Variants in GPR39 observed in about 807,000 individuals in gnomAD.
GPR39 encodes the protein G protein-coupled receptor 39.
A neutral mutation model predicts 18.4 loss-of-function variants in GPR39; 23 were observed. That is an observed-to-expected ratio of 1.25 (90% CI 0.90 to 1.77). The LOEUF is 1.77. Among genes scored for constraint, GPR39 ranks in the 40% most tolerant of loss-of-function variants. The probability of loss-of-function intolerance (pLI) is 0.00; values close to 1 mark genes in which losing one functional copy is unlikely to be tolerated. For synonymous variants in GPR39, 280 were observed against 257.9 expected (o/e 1.09, Z -0.82); for missense variants, 647 against 602.4 (o/e 1.07, Z -0.78).
intron 1 of GPR39, among the ~76,000 whole-genome samples, chr2:132,472,454 C>T (rs910127188): frequency 5.3e-5 from 8 of 152,066 alleles, no homozygotes; most frequent in Admixed American, 4.6e-4. Context: ...GAGTGTCTGC[C>T]AGAAGCTTTG....
chr2:132,489,300 G>A (rs1558813180), intron 1 of GPR39, among the ~76,000 whole-genome samples: 1 of 152,072 alleles, frequency 6.6e-6, no homozygotes, highest in African/African-American at 2.4e-5. Flanking sequence ...AGGCGCCGGC[G>A]CTGTCCGTGG....
intron 1 of GPR39, among the ~76,000 whole-genome samples, chr2:132,424,466 C>G (rs1242769351): frequency 6.6e-6 from 1 of 152,188 alleles, no homozygotes; most frequent in Non-Finnish European, 1.5e-5. Context: ...TGTTGTGGAT[C>G]CATCCTGGGT....
chr2:132,441,390 TTTTTG>T (rs1680435867), intron 1 of GPR39, among the ~76,000 whole-genome samples: 1 of 79,114 alleles, frequency 1.3e-5, no homozygotes, highest in African/African-American at 3.4e-5. Context: ...TATGCTTTTT[TTTTTG>T]TTGTTGTTGT....
intron 1 of GPR39, among the ~76,000 whole-genome samples, chr2:132,499,096 A>G (rs1558817449): frequency 6.6e-6 from 1 of 151,926 alleles, no homozygotes; most frequent in African/African-American, 2.4e-5. Flanking sequence ...TTTTTGTTGT[A>G]TTTGCTTTTG....
chr2:132,584,070 G>C (rs2104825583), intron 1 of GPR39, among the ~76,000 whole-genome samples: 1 of 152,132 alleles, frequency 6.6e-6, no homozygotes, highest in South Asian at 2.1e-4. Flanking sequence ...GAAGTTTTTT[G>C]AGGGGTGGGG....
At chr2:132,628,788 A>G (rs953144931) in intron 1 of GPR39, among the ~76,000 whole-genome samples, 3 of 152,174 alleles carry the variant, frequency 2.0e-5, no homozygotes, top group African/African-American at 7.2e-5. Context: ...TGTTTGTGCA[A>G]TCAATTCTAG....
chr2:132,463,887 T>C (rs1680876801), intron 1 of GPR39, among the ~76,000 whole-genome samples: 1 of 152,222 alleles, frequency 6.6e-6, no homozygotes, highest in Non-Finnish European at 1.5e-5. Context: ...GTTTGCAAGT[T>C]GGTGCAGGCT....
At chr2:132,516,048 GA>G (rs1362518783) in intron 1 of GPR39, among the ~76,000 whole-genome samples, 1 of 152,118 alleles carries the variant, frequency 6.6e-6, no homozygotes, top group Non-Finnish European at 1.5e-5. Flanking sequence ...TGCAGTGACT[GA>G]CGGAAAGATC....
At chr2:132,629,565 AAC>A (rs1175909954) in intron 1 of GPR39, among the ~76,000 whole-genome samples, 1 of 152,226 alleles carries the variant, frequency 6.6e-6, no homozygotes, top group African/African-American at 2.4e-5. Flanking sequence ...GAAGTTAAAC[AAC>A]TAGAGTTTTG....
At chr2:132,509,691 T>G (rs545110565) in intron 1 of GPR39, among the ~76,000 whole-genome samples, 4 of 152,200 alleles carry the variant, frequency 2.6e-5, no homozygotes, top group Admixed American at 6.5e-5. Flanking sequence ...CTCACAGAAC[T>G]GGCTATTAGA....
At chr2:132,530,643 A>C (rs903908137) in intron 1 of GPR39, among the ~76,000 whole-genome samples, 4 of 152,240 alleles carry the variant, frequency 2.6e-5, no homozygotes, top group African/African-American at 9.6e-5. Context: ...CATCAGACTA[A>C]CATCTGATCT....
At chr2:132,624,434 G>T (rs1681506337) in intron 1 of GPR39, among the ~76,000 whole-genome samples, 1 of 152,194 alleles carries the variant, frequency 6.6e-6, no homozygotes. Context: ...TATTATCAAT[G>T]CTGGAATAAT....
At chr2:132,612,307 C>T (rs1168635634) in intron 1 of GPR39, among the ~76,000 whole-genome samples, 1 of 152,122 alleles carries the variant, frequency 6.6e-6, no homozygotes, top group South Asian at 2.1e-4. Context: ...CAACAGCCTC[C>T]CCCTCCCCTC....
At chr2:132,487,736 T>TGCAATCCA (rs572923386) in intron 1 of GPR39, among the ~76,000 whole-genome samples, 94 of 152,024 alleles carry the variant, frequency 6.2e-4, no homozygotes, top group Non-Finnish European at 1.1e-3. Flanking sequence ...GTATACATAA[T>TGCAATCCA]GCAATCCAGA....
chr2:132,525,335 T>A (rs1021523417), intron 1 of GPR39, among the ~76,000 whole-genome samples: 1 of 152,174 alleles, frequency 6.6e-6, no homozygotes, highest in Non-Finnish European at 1.5e-5. Context: ...GGGATAATAA[T>A]GTCTTCTTTG....
chr2:132,492,506 C>CATATATACCATAT (rs1344548819), intron 1 of GPR39, among the ~76,000 whole-genome samples: 1 of 135,942 alleles, frequency 7.4e-6, no homozygotes, highest in South Asian at 2.5e-4. Flanking sequence ...ATATACACAC[C>CATATATACCATAT]ATATATACCA....
chr2:132,485,783 C>T (rs551315810), intron 1 of GPR39, among the ~76,000 whole-genome samples: 50 of 152,272 alleles, frequency 3.3e-4, no homozygotes, highest in African/African-American at 1.2e-3. Flanking sequence ...AAATTTTGAA[C>T]CCTCAAAGTC....
At chr2:132,553,551 C>T (rs563944723) in intron 1 of GPR39, among the ~76,000 whole-genome samples, 79 of 152,044 alleles carry the variant, frequency 5.2e-4, no homozygotes, top group Non-Finnish European at 9.3e-4. Flanking sequence ...AGTCCCTCCT[C>T]GAGGGACACA....
chr2:132,469,827 T>C (rs1186733650), intron 1 of GPR39, among the ~76,000 whole-genome samples: 3 of 152,168 alleles, frequency 2.0e-5, no homozygotes, highest in East Asian at 1.9e-4. Context: ...GGTGGCCCCA[T>C]GCAACTTTCC....
Sources: allele counts gnomAD v4.1 joint callset (sites outside exome capture counted in the v4.1 genomes callset), GRCh38; gene constraint gnomAD v4.1.1; transcripts MANE v1.5; gene names NCBI Gene and HGNC (gene_info 2026-07-23, HGNC 2026-07-21).